Variants in ARHGEF18 observed in about 807,000 individuals in gnomAD.
ARHGEF18 encodes the protein rho guanine nucleotide exchange factor 18.
Under a neutral mutation model 155.7 loss-of-function variants are expected in ARHGEF18, and 93 were observed. The ratio of observed to expected loss-of-function variants is 0.60; its 90% CI spans 0.50 to 0.71. The LOEUF (loss-of-function observed/expected upper bound fraction) is 0.71. ARHGEF18 is among the 30% of genes least tolerant of loss of function. The probability of loss-of-function intolerance (pLI) is 0.00; values close to 1 mark genes in which losing one functional copy is unlikely to be tolerated. For missense variants in ARHGEF18, 1,593 were observed against 1,816.1 expected (o/e 0.88, Z 2.23); for synonymous variants, 742 against 753.1 (o/e 0.99, Z 0.24).
chr19:7,371,630 G>A (rs8110807), intron 2 of ARHGEF18, among the ~76,000 whole-genome samples: 29,860 of 151,836 alleles, frequency 0.2, 6,684 homozygotes, highest in African/African-American at 0.54. Flanking sequence ...AGACCAACCC[G>A]GCCAACATTG....
chr19:7,361,994 A>AGAAGAAGAAGAAGAAGAG (rs1274080128), intron 1 of ARHGEF18, among the ~76,000 whole-genome samples: 2,113 of 42,918 alleles, frequency 0.049, 396 homozygotes, highest in South Asian at 0.081. Flanking sequence ...ACTCTGTGGA[A>AGAAGAAGAAGAAGAAGAG]GAAGAAGAAG....
chr19:7,404,546 G>A (rs1238748940), intron 10 of ARHGEF18, among the ~76,000 whole-genome samples: 5 of 144,998 alleles, frequency 3.4e-5, no homozygotes, highest in South Asian at 2.1e-4. Context: ...TGCAATCTCC[G>A]TCTCCCGGGT....
chr19:7,387,880 G>T (rs1452683217), intron 10 of ARHGEF18, among the ~76,000 whole-genome samples: 1 of 151,802 alleles, frequency 6.6e-6, no homozygotes, highest in Non-Finnish European at 1.5e-5. Context: ...AGCCAGGCTG[G>T]TCTCAAACTC....
Position 7,440,241 on chromosome 19 carries a change from C to G in ARHGEF18, c.968-103C>G, listed in dbSNP as rs1439106648. ...TAACGAGCTGCTGACCTCCAAGATC[C>G]TGTCTGTGCTGCGGCCGCAGTCGGA... On this transcript the variant is annotated intron_variant, in intron 10 of 28. Coordinates refer to ENST00000668164, the MANE Select transcript of ARHGEF18 (RefSeq NM_001367823.1). The surrounding 1 kb of genome is among the most constrained non-coding windows in gnomAD (Gnocchi z 5.4). The G allele has an allele frequency of 6.4e-7, 1 of 1,552,452 alleles. No homozygotes were observed. Among genetic ancestry groups the G allele is most frequent in the Non-Finnish European group, 8.7e-7 (1 of 1,147,452 alleles).
chr19:7,388,329 G>A (rs1244387843), intron 10 of ARHGEF18, among the ~76,000 whole-genome samples: 1 of 151,590 alleles, frequency 6.6e-6, no homozygotes, highest in Non-Finnish European at 1.5e-5. Flanking sequence ...CCTGGCCTCA[G>A]GTGATCCTCC....
intron 2 of ARHGEF18, among the ~76,000 whole-genome samples, chr19:7,370,618 C>T (rs1353729796): frequency 1.3e-5 from 2 of 152,162 alleles, no homozygotes; most frequent in South Asian, 4.1e-4. Context: ...CAGATATCTG[C>T]ACACTGATGT....
downstream of ARHGEF18, chr19:7,476,751 C>G (rs2145941628): frequency 6.3e-6 from 1 of 158,690 alleles, no homozygotes; most frequent in East Asian, 1.8e-4. Context: ...TGGAGAGGAC[C>G]CACCGGGCTG....
intron 2 of ARHGEF18, among the ~76,000 whole-genome samples, chr19:7,368,938 G>C (rs528888881): frequency 6.6e-6 from 1 of 150,392 alleles, no homozygotes; most frequent in Non-Finnish European, 1.5e-5. Context: ...CAGAGGAGGA[G>C]TCAGCAGGGA....
chr19:7,474,200 G>T (rs763150495), downstream of ARHGEF18, among the ~76,000 whole-genome samples: 14 of 151,900 alleles, frequency 9.2e-5, no homozygotes, highest in Non-Finnish European at 1.9e-4. Flanking sequence ...TCAGCCGGGC[G>T]TGGTGGCAAA....
At chr19:7,461,053 C>T (rs1976220078) in intron 20 of ARHGEF18, among the ~76,000 whole-genome samples, 1 of 151,564 alleles carries the variant, frequency 6.6e-6, no homozygotes, top group Non-Finnish European at 1.5e-5. Context: ...TCCCAAAGTG[C>T]TGGGATTACA....
At position 7,468,904 on chromosome 19, in the gene ARHGEF18, T is replaced by A; in HGVS notation, c.3560T>A (p.Val1187Glu). Residue 1187 changes from valine to glutamate, a missense_variant, in exon 27 of 29, where the codon GTG becomes GAG. Val to Glu is a moderately radical substitution (Grantham distance 121). Coordinates refer to ENST00000668164, the MANE Select transcript of ARHGEF18 (RefSeq NM_001367823.1). The stretch of plus-strand genomic sequence containing the variant: ...CGTGTGAGCATGCTGCCATCCGGCG[T>A]GGGGCCAGAGTACGCAGAGCGCCCC... ...GPRVSMLPSG[V>E]GPEYAERPEV... 3 of 1,575,760 alleles carry A rather than the reference T, an allele frequency of 1.9e-6. No homozygotes were observed. Among genetic ancestry groups the A allele is most frequent in the Non-Finnish European group, 2.6e-6 (3 of 1,161,124 alleles).
intron 23 of ARHGEF18, 60 bp downstream of exon 23, chr19:7,464,750 A>T (rs938353954): frequency 6.6e-5 from 106 of 1,594,812 alleles, no homozygotes; most frequent in Non-Finnish European, 8.2e-5. Flanking sequence ...CATGTGTGTG[A>T]GCAGCTTCTG....
chr19:7,382,547 C>T (rs1456072227), intron 8 of ARHGEF18, among the ~76,000 whole-genome samples: 6 of 152,084 alleles, frequency 3.9e-5, no homozygotes, highest in Non-Finnish European at 7.4e-5. Context: ...CCTGAGATCA[C>T]GTTGCATTTC....
Position 7,442,124 on chromosome 19 carries a change from CCCTTCCTTCCTTCCTTCCTT to C in ARHGEF18, c.1360+101_1360+120del, listed in dbSNP as rs200202576. On this transcript the variant is annotated intron_variant, in intron 13 of 28. Coordinates refer to ENST00000668164, the MANE Select transcript of ARHGEF18 (RefSeq NM_001367823.1). ...TTCTCTGCTCCCTCCCTTCCTCCCTCCCTTCCTTCCTTCCTTCCTTCCTTCCTTCCTTCCTTCCTTCCTTC... is the reference window on the plus strand; with the variant it reads ...TTCTCTGCTCCCTCCCTTCCTCCCTCCCTTCCTTCCTTCCTTCCTTCCTTC... The C allele has an allele frequency of 4.1e-3, 4,646 of 1,129,472 alleles. 53 individuals carry two copies. The highest frequency in any genetic ancestry group is 0.033 in the African/African-American group (2,032 of 61,772). The allele number at this position is 1,129,472 out of a possible 1,614,324, so 70.0% of individuals were successfully genotyped here.
Position 7,467,330 on chromosome 19 carries a change from G to A in ARHGEF18, c.3126G>A (p.Arg1042=). 1 of 1,538,334 alleles carries A rather than the reference G, an allele frequency of 6.5e-7. No homozygotes were observed. Among genetic ancestry groups the A allele is most frequent in the Non-Finnish European group, 8.7e-7 (1 of 1,146,920 alleles). The change falls in exon 26 of 29, where the codon CGG becomes CGA. Residue 1042 remains arginine, a synonymous_variant. Transcript: ENST00000668164. ...TRGNLLLEQE[R]QRNFEKQREE... ...GGAACCTGCTGCTGGAGCAGGAGCG[G>A]CAACGCAACTTCGAGAAGCAGCGGG...
chr19:7,390,464 G>T (rs887597689), intron 10 of ARHGEF18: 4 of 149,490 alleles, frequency 2.7e-5, no homozygotes, highest in Admixed American at 6.7e-5. Context: ...AGGCAAGATT[G>T]CGCCACTGCA....
chr19:7,419,067 C>T (rs912738332), intron 10 of ARHGEF18, among the ~76,000 whole-genome samples: 3 of 150,068 alleles, frequency 2.0e-5, no homozygotes, highest in Non-Finnish European at 4.4e-5. Context: ...CCCAGATGTA[C>T]CCACACTCGG....
At chr19:7,399,092 C>A (rs1436458228) in intron 10 of ARHGEF18, among the ~76,000 whole-genome samples, 1 of 152,214 alleles carries the variant, frequency 6.6e-6, no homozygotes, top group Non-Finnish European at 1.5e-5. Flanking sequence ...TATATGAAGT[C>A]CAGCCAATCG....
intron 10 of ARHGEF18, 158 bp downstream of exon 10, chr19:7,383,361 C>T: frequency 1.3e-6 from 1 of 754,788 alleles, no homozygotes; most frequent in Non-Finnish European, 1.8e-6. Flanking sequence ...GGATCAGTCC[C>T]TGGGCACAGG....
Sources: gnomAD v4.1 joint callset for allele counts (sites outside exome capture counted in the v4.1 genomes callset) on GRCh38, gnomAD v4.1.1 for gene constraint, Gnocchi (gnomAD v3.1) non-coding constraint, MANE v1.5 for transcripts, NCBI Gene and HGNC (gene_info 2026-07-23, HGNC 2026-07-21) for gene names.